ZNRF3: variants seen among roughly 807,000 people sequenced by gnomAD.
The protein encoded by ZNRF3 is E3 ubiquitin-protein ligase ZNRF3.
Under a neutral mutation model 72.5 loss-of-function variants are expected in ZNRF3, and 23 were observed. The observed-to-expected ratio is 0.32, with a 90% CI of 0.23 to 0.45. The LOEUF is 0.45. Among genes scored for constraint, ZNRF3 ranks in the 20% least tolerant of loss-of-function variants. The pLI, the probability that ZNRF3 is intolerant of heterozygous loss-of-function variation, is 1.00. For synonymous variants in ZNRF3, 610 were observed against 545.3 expected (o/e 1.12, Z -1.65); for missense variants, 1,169 against 1,272.1 (o/e 0.92, Z 1.23).
At chr22:29,046,686 C>A in intron 5 of ZNRF3, 30 bp from the exon 6 acceptor site, 1 of 1,563,998 alleles carries the variant, frequency 6.4e-7, no homozygotes, top group South Asian at 1.2e-5. Context: ...ACGTACTGGA[C>A]CCTCACACAG....
At chr22:28,987,252 T>A in intron 2 of ZNRF3, 51 bp downstream of exon 2, 2 of 1,575,744 alleles carry the variant, frequency 1.3e-6, no homozygotes, top group Non-Finnish European at 1.7e-6. Flanking sequence ...TGTTTTCCAC[T>A]CTTCCATTTC....
intron 1 of ZNRF3, among the ~76,000 whole-genome samples, chr22:28,909,372 C>T (rs1406891209): frequency 2.6e-5 from 4 of 151,936 alleles, no homozygotes; most frequent in Non-Finnish European, 5.9e-5. Flanking sequence ...CTCCTGGGGG[C>T]GTGTTGGGCC....
chr22:28,957,179 C>T (rs1201842846), intron 1 of ZNRF3, among the ~76,000 whole-genome samples: 1 of 152,192 alleles, frequency 6.6e-6, no homozygotes, highest in African/African-American at 2.4e-5. Flanking sequence ...TACATTCTGT[C>T]TTTGTCAAGG....
chr22:28,969,397 G>A (rs2035531060), intron 1 of ZNRF3, among the ~76,000 whole-genome samples: 1 of 152,186 alleles, frequency 6.6e-6, no homozygotes, highest in Non-Finnish European at 1.5e-5. Flanking sequence ...GAATGGAGGG[G>A]AGGGAAACTG....
intron 5 of ZNRF3, 33 bp from the exon 6 acceptor site, chr22:29,046,683 G>A (rs1232804163): frequency 1.3e-6 from 2 of 1,550,964 alleles, no homozygotes; most frequent in Non-Finnish European, 1.7e-6. Context: ...CATACGTACT[G>A]GACCCTCACA....
At chr22:28,899,477 A>G (rs1271696633) in intron 1 of ZNRF3, among the ~76,000 whole-genome samples, 1 of 152,104 alleles carries the variant, frequency 6.6e-6, no homozygotes, top group African/African-American at 2.4e-5. Flanking sequence ...GTGGTTAGGG[A>G]CCACGGTGAC....
Position 29,049,174 on chromosome 22 carries a change from C to CA in ZNRF3, c.1016-23_1016-22insA. 6.4e-7 allele frequency: 1 copy of CA among 1,570,116 alleles called. No individual in the cohort carries two copies. The highest frequency in any genetic ancestry group is 8.7e-7 in the Non-Finnish European group (1 of 1,155,836). On this transcript the variant is annotated intron_variant, in intron 7 of 8. Coordinates refer to ENST00000544604, the MANE Select transcript of ZNRF3 (RefSeq NM_001206998.2). The surrounding 1 kb of genome is among the most constrained non-coding windows in gnomAD (Gnocchi z 5.2). ...ACCAGTATGCTCAGCCCTGCCTACT[C>CA]TGTTTCCTCCACTTGTCTCCAGAAC...
intron 1 of ZNRF3, among the ~76,000 whole-genome samples, chr22:28,952,727 C>G (rs1347767144): frequency 2.0e-5 from 3 of 152,020 alleles, no homozygotes; most frequent in African/African-American, 7.2e-5. Context: ...AGTTAAAAAG[C>G]AAGAATGTGT....
At chr22:29,014,697 C>CT (rs1318599375) in intron 2 of ZNRF3, among the ~76,000 whole-genome samples, 1 of 152,204 alleles carries the variant, frequency 6.6e-6, no homozygotes, top group African/African-American at 2.4e-5. Context: ...AGATACAGTA[C>CT]TTATTAAAGT....
At chr22:29,011,359 G>A (rs752561659) in intron 2 of ZNRF3, among the ~76,000 whole-genome samples, 9 of 152,126 alleles carry the variant, frequency 5.9e-5, no homozygotes, top group Non-Finnish European at 1.2e-4. Flanking sequence ...GCTCCTGTCC[G>A]TCTCCGTGGC....
chr22:29,001,202 G>A (rs1198170082), intron 2 of ZNRF3, among the ~76,000 whole-genome samples: 1 of 149,836 alleles, frequency 6.7e-6, no homozygotes, highest in African/African-American at 2.5e-5. Flanking sequence ...CCGAGTAGCT[G>A]GGACTACAGA....
chr22:28,989,331 C>T (rs1040324079), intron 2 of ZNRF3, among the ~76,000 whole-genome samples: 1 of 152,138 alleles, frequency 6.6e-6, no homozygotes, highest in African/African-American at 2.4e-5. Flanking sequence ...GTAGGAGGTG[C>T]GATGAGTCAA....
intron 2 of ZNRF3, among the ~76,000 whole-genome samples, chr22:29,024,285 T>TTTTTTTG (rs1491121710): frequency 2.2e-5 from 1 of 44,654 alleles, no homozygotes; most frequent in Non-Finnish European, 5.7e-5. Context: ...GCATTAACTG[T>TTTTTTTG]TTTTTTTTTT....
chr22:28,974,630 G>A (rs114086682), intron 1 of ZNRF3, among the ~76,000 whole-genome samples: 1,702 of 152,236 alleles, frequency 0.011, 41 homozygotes, highest in African/African-American at 0.039. Context: ...TTTTCATCTA[G>A]ATACAGATGT....
chr22:28,967,740 A>G (rs2035497442), intron 1 of ZNRF3, among the ~76,000 whole-genome samples: 1 of 151,860 alleles, frequency 6.6e-6, no homozygotes, highest in Non-Finnish European at 1.5e-5. Flanking sequence ...CAGCCTAGAC[A>G]ACATAGTGAA....
chr22:29,004,491 G>A (rs760593398), intron 2 of ZNRF3, among the ~76,000 whole-genome samples: 9 of 152,150 alleles, frequency 5.9e-5, no homozygotes, highest in Non-Finnish European at 1.0e-4. Flanking sequence ...AGCAGAATCT[G>A]GGCATCCCAA....
chr22:29,041,801 TATTAAA>T (rs2036967857), intron 2 of ZNRF3, among the ~76,000 whole-genome samples: 1 of 152,168 alleles, frequency 6.6e-6, no homozygotes, highest in Non-Finnish European at 1.5e-5. Flanking sequence ...TTGTGTCACT[TATTAAA>T]ATTAACCATT....
rs367698588 is a variant in ZNRF3, at chr22:29,012,691, C to T, written c.426+25490C>T. ...ACTTACTTGTTAAATTCGCAGCTTA[C>T]TACAGGATGCTTGTGTCTAAGTGAT... On this transcript the variant is annotated intron_variant, in intron 2 of 8. Coordinates refer to ENST00000544604, the MANE Select transcript of ZNRF3 (RefSeq NM_001206998.2). 7.2e-5 allele frequency among the ~76,000 whole-genome samples: 11 copies of T among 152,222 alleles called. No individual in the cohort carries two copies. In the East Asian group the frequency reaches 1.3e-3, roughly 19 times the overall value.
intron 2 of ZNRF3, among the ~76,000 whole-genome samples, chr22:29,022,329 T>A (rs2036555548): frequency 6.6e-6 from 1 of 152,206 alleles, no homozygotes; most frequent in Non-Finnish European, 1.5e-5. Flanking sequence ...CTGTTAGCTG[T>A]TAACGTGACC....
Sources: gnomAD v4.1 joint callset for allele counts (sites outside exome capture counted in the v4.1 genomes callset) on GRCh38, gnomAD v4.1.1 for gene constraint, Gnocchi (gnomAD v3.1) non-coding constraint, MANE v1.5 for transcripts, NCBI Gene and HGNC (gene_info 2026-07-23, HGNC 2026-07-21) for gene names.